The following HMCN1 variants were observed in gnomAD, a reference collection of about 807,000 sequenced individuals.
The protein encoded by HMCN1 is hemicentin-1.
Under a neutral mutation model 625.9 loss-of-function variants are expected in HMCN1, and 321 were observed. The observed-to-expected ratio is 0.51, with a 90% CI of 0.47 to 0.56. The LOEUF is 0.56. Ranked by LOEUF, HMCN1 falls within the 20% of genes least tolerant of loss-of-function variation. HMCN1 has a pLI of 0.00. For missense variants in HMCN1, 6,588 were observed against 6,887.3 expected, an observed-to-expected ratio of 0.96 and a Z score of 1.54; for synonymous variants, 2,425 against 2,417.6, an observed-to-expected ratio of 1.00 and a Z score of -0.09.
chr1:185,774,538 G>A (rs1170386806), intron 1 of HMCN1, among the ~76,000 whole-genome samples: 1 of 152,190 alleles, frequency 6.6e-6, no homozygotes, highest in East Asian at 1.9e-4. Context: ...TTAGGCAATG[G>A]AGAAGAGCGG....
chr1:185,987,973 A>T (rs1652122177), intron 20 of HMCN1, among the ~76,000 whole-genome samples: 1 of 152,140 alleles, frequency 6.6e-6, no homozygotes, highest in African/African-American at 2.4e-5. Flanking sequence ...GGGATGTGGC[A>T]CGGGGTAAAA....
intron 2 of HMCN1, among the ~76,000 whole-genome samples, chr1:185,860,210 G>A (rs1238533758): frequency 1.3e-5 from 2 of 152,014 alleles, no homozygotes; most frequent in Admixed American, 6.6e-5. Flanking sequence ...AAGCAGAAAG[G>A]TAATAATTTA....
At chr1:185,794,323 G>A (rs1274622998) in intron 1 of HMCN1, among the ~76,000 whole-genome samples, 1 of 150,358 alleles carries the variant, frequency 6.7e-6, no homozygotes, top group African/African-American at 2.5e-5. Context: ...TCTCTAGAGG[G>A]ACAGAACTAA....
intron 4 of HMCN1, among the ~76,000 whole-genome samples, chr1:185,893,188 C>G (rs1665244937): frequency 6.6e-6 from 1 of 152,220 alleles, no homozygotes. Context: ...GTGCCTGCAC[C>G]CAGTGACCTG....
At chr1:185,944,103 C>T (rs1571594664) in intron 11 of HMCN1, among the ~76,000 whole-genome samples, 1 of 151,646 alleles carries the variant, frequency 6.6e-6, no homozygotes, top group East Asian at 1.9e-4. Context: ...GCATTGTATA[C>T]AGAAGTTTCT....
intron 10 of HMCN1, among the ~76,000 whole-genome samples, chr1:185,932,151 C>A (rs1453665587): frequency 1.3e-5 from 2 of 152,126 alleles, no homozygotes; most frequent in Admixed American, 6.6e-5. Context: ...TACCTGTATT[C>A]TTTCCAATGG....
chr1:185,795,815 G>A (rs1322359), intron 1 of HMCN1, among the ~76,000 whole-genome samples: 34,170 of 152,068 alleles, frequency 0.22, 4,246 homozygotes, highest in Non-Finnish European at 0.28. Context: ...TGAAGGCCAA[G>A]TATCATGTCT....
At chr1:185,858,933 TCCTGTTCTGC>T (rs1662674055) in intron 2 of HMCN1, among the ~76,000 whole-genome samples, 1 of 151,954 alleles carries the variant, frequency 6.6e-6, no homozygotes, top group African/African-American at 2.4e-5. Context: ...TGCAGCCTAG[TCCTGTTCTGC>T]CAAAGCTAAA....
intron 1 of HMCN1, among the ~76,000 whole-genome samples, chr1:185,739,744 C>T (rs1269396832): frequency 6.6e-6 from 1 of 151,792 alleles, no homozygotes; most frequent in African/African-American, 2.4e-5. Context: ...GGGAGTGACA[C>T]AGGCAAAAAA....
At chr1:185,861,480 C>T (rs778246910) in intron 2 of HMCN1, among the ~76,000 whole-genome samples, 42 of 152,242 alleles carry the variant, frequency 2.8e-4, no homozygotes, top group East Asian at 5.8e-4. Context: ...CAGTGTCATG[C>T]GCAGTTGAGG....
rs1230132972 is a variant in HMCN1, at chr1:186,061,775, T to C, written c.7313-76T>C. The C allele has an allele frequency of 5.5e-6, 5 of 911,066 alleles. No homozygotes were observed. In the African/African-American group the frequency reaches 8.3e-5, roughly 15 times the overall value. The allele number at this position is 911,066 out of a possible 1,614,324, so 56.4% of individuals were successfully genotyped here. A position where few individuals can be genotyped will look rare whatever the true frequency, so the allele number is the denominator to read the frequency against. On this transcript the variant is annotated intron_variant, in intron 46 of 106. Transcript: ENST00000271588. Reference sequence around the variant, plus strand: ...ATACTGATTAAATTTTTACCGAAATTGAGCATCACTTGGATGGCTTATAAA... The same window carrying C: ...ATACTGATTAAATTTTTACCGAAATCGAGCATCACTTGGATGGCTTATAAA...
chr1:185,990,593 T>G, intron 22 of HMCN1, 150 bp downstream of exon 22: 1 of 711,760 alleles, frequency 1.4e-6, no homozygotes, highest in South Asian at 1.5e-5. Flanking sequence ...CAGGAAGTAT[T>G]TATAACACTG....
intron 4 of HMCN1, among the ~76,000 whole-genome samples, chr1:185,893,852 A>T (rs894733361): frequency 1.3e-5 from 2 of 152,224 alleles, no homozygotes; most frequent in African/African-American, 4.8e-5. Flanking sequence ...CACAAACTCA[A>T]CATATCCTGG....
chr1:186,051,918 T>C (rs1438529295), intron 42 of HMCN1, among the ~76,000 whole-genome samples: 1 of 151,824 alleles, frequency 6.6e-6, no homozygotes, highest in Non-Finnish European at 1.5e-5. Flanking sequence ...ACTTATAAAC[T>C]TACAGGAGAA....
intron 4 of HMCN1, among the ~76,000 whole-genome samples, chr1:185,874,085 T>G (rs1282452976): frequency 1.3e-5 from 2 of 149,898 alleles, no homozygotes; most frequent in African/African-American, 4.9e-5. Flanking sequence ...ATGAATATTG[T>G]TTTTTTTTAA....
rs768565405 is a variant in HMCN1, at chr1:185,993,261, A to G, written c.3457A>G (p.Thr1153Ala). 6.2e-7 allele frequency: 1 copy of G among 1,613,226 alleles called. No homozygotes were observed. Among genetic ancestry groups the G allele is most frequent in the Admixed American group, 1.7e-5 (1 of 59,964 alleles). The change falls in exon 23 of 107, where the codon ACA becomes GCA. Residue 1153 changes from threonine (T) to alanine (A), a missense_variant. By Grantham distance (58) the Thr-to-Ala change is moderately conservative (BLOSUM62 0). Around this residue, in one of 3 missense-constraint regions of HMCN1, gnomAD observed 4,628 missense variants for 4,853.1 expected, o/e 0.95. Coordinates refer to ENST00000271588, the MANE Select transcript of HMCN1 (RefSeq NM_031935.3). ...SDSGMYLCVA[T>A]NIAGNVTQAV... is the part of the protein sequence containing the mutation. ...TAGTGGGATGTATCTTTGTGTTGCC[A>G]CAAATATTGCTGGGAATGTGACTCA...
rs1656204302 is a variant in HMCN1, at chr1:186,041,514, A to G, written c.6304+378A>G. 2.6e-5 allele frequency among the ~76,000 whole-genome samples: 4 copies of G among 152,170 alleles called. No individual in the cohort carries two copies. In the South Asian group the frequency reaches 8.3e-4, roughly 32 times the overall value. On this transcript the variant is annotated intron_variant, in intron 40 of 106. Coordinates refer to ENST00000271588, the MANE Select transcript of HMCN1 (RefSeq NM_031935.3). ...GCCATGATTTTATTACTTTCTAACT[A>G]TTTGTAATCAGCATATTTGTGATCA...
chr1:186,076,818 G>T (rs1658845526), intron 54 of HMCN1, among the ~76,000 whole-genome samples, 196 bp downstream of exon 54: 1 of 152,106 alleles, frequency 6.6e-6, no homozygotes. Context: ...GGAGAAAATA[G>T]CTTAGTAAAC....
At chr1:186,133,238 A>G (rs1367439830) in intron 86 of HMCN1, among the ~76,000 whole-genome samples, 1 of 152,220 alleles carries the variant, frequency 6.6e-6, no homozygotes, top group Non-Finnish European at 1.5e-5. Context: ...TATTCAATGG[A>G]GTGCCCCTTC....
Sources: gnomAD v4.1 joint callset for allele counts (sites outside exome capture counted in the v4.1 genomes callset) on GRCh38, gnomAD v4.1.1 for gene constraint, gnomAD v4.1.1 regional missense constraint, MANE v1.5 for transcripts, NCBI Gene and HGNC (gene_info 2026-07-23, HGNC 2026-07-21) for gene names.